NUP107: variants seen among roughly 807,000 people sequenced by gnomAD.
NUP107 encodes the protein nuclear pore complex protein Nup107.
Under a neutral mutation model 141.0 loss-of-function variants are expected in NUP107, and 101 were observed. That is an observed-to-expected ratio of 0.72 (90% CI 0.61 to 0.84). NUP107 has a LOEUF of 0.84. Among genes scored for constraint, NUP107 ranks in the 40% least tolerant of loss-of-function variants. The pLI is 0.00. For missense variants in NUP107, 941 were observed against 1,102.7 expected, an observed-to-expected ratio of 0.85 and a Z score of 2.08; for synonymous variants, 319 against 363.9, an observed-to-expected ratio of 0.88 and a Z score of 1.41.
chr12:68,712,457 A>G (rs747474408), intron 10 of NUP107, among the ~76,000 whole-genome samples: 4 of 145,328 alleles, frequency 2.8e-5, no homozygotes, highest in Non-Finnish European at 6.0e-5. Context: ...AGATTGCCAG[A>G]TTGCCTTTGA....
Position 68,732,689 on chromosome 12 carries a change from A to G in NUP107, c.2051A>G (p.Gln684Arg). 1 of 1,610,048 alleles carries G rather than the reference A, an allele frequency of 6.2e-7. No individual in the cohort carries two copies. The highest frequency in any genetic ancestry group is 8.5e-7 in the Non-Finnish European group (1 of 1,176,956). Residue 684 changes from glutamine (Q) to arginine (R), a missense_variant, in exon 23 of 28, where the codon CAG (glutamine) becomes CGG (arginine). Coordinates refer to ENST00000229179, the MANE Select transcript of NUP107 (RefSeq NM_020401.4). The part of the protein sequence containing the change: ...VIDWLVFDPA[Q>R]RAEALKQGNA... Reference sequence around the variant, plus strand: ...GACTGGTTGGTATTTGACCCAGCGCAGAGGGCAGAAGCACTGAAACAAGGC... The same window carrying G: ...GACTGGTTGGTATTTGACCCAGCGCGGAGGGCAGAAGCACTGAAACAAGGC...
intron 24 of NUP107, among the ~76,000 whole-genome samples, chr12:68,733,967 T>TA (rs1326739167): frequency 6.6e-6 from 1 of 152,208 alleles, no homozygotes; most frequent in East Asian, 1.9e-4. Flanking sequence ...AATAGCAGCA[T>TA]ACTCATTCAA....
At chr12:68,692,245 C>A in intron 5 of NUP107, 133 bp downstream of exon 5, 1 of 925,172 alleles carries the variant, frequency 1.1e-6, no homozygotes, top group Non-Finnish European at 1.6e-6. Flanking sequence ...GAGAGAGTAG[C>A]TTAAACAACA....
At chr12:68,715,107 A>G (rs1444254504) in intron 11 of NUP107, among the ~76,000 whole-genome samples, 1 of 152,224 alleles carries the variant, frequency 6.6e-6, no homozygotes, top group African/African-American at 2.4e-5. Flanking sequence ...CCAACTGAGT[A>G]TGTTTTAAGT....
intron 12 of NUP107, among the ~76,000 whole-genome samples, chr12:68,717,037 A>G (rs1022369476): frequency 2.6e-5 from 4 of 151,980 alleles, no homozygotes; most frequent in African/African-American, 9.7e-5. Flanking sequence ...AGCTTGGAAT[A>G]CAGGCACACG....
chr12:68,696,810 G>C lies in NUP107; in HGVS notation c.449-9G>C. 1 of 1,240,882 alleles carries C rather than the reference G, an allele frequency of 8.1e-7. No individual in the cohort carries two copies. Among genetic ancestry groups the C allele is most frequent in the Non-Finnish European group, 1.1e-6 (1 of 909,586 alleles). The allele number at this position is 1,240,882 out of a possible 1,614,324, so 76.9% of individuals were successfully genotyped here. Reference sequence around the variant, plus strand: ...CTTTATTCCTTTTTTTTTTTTTGATGTGTTCTAGCATCCATGAGTATGTTT... The same window carrying C: ...CTTTATTCCTTTTTTTTTTTTTGATCTGTTCTAGCATCCATGAGTATGTTT... On this transcript the variant is annotated splice_polypyrimidine_tract_variant and intron_variant, in intron 5 of 27. Coordinates refer to ENST00000229179, the MANE Select transcript of NUP107 (RefSeq NM_020401.4).
chr12:68,723,699 G>A (rs1320735468), intron 17 of NUP107, among the ~76,000 whole-genome samples: 1 of 152,168 alleles, frequency 6.6e-6, no homozygotes, highest in Non-Finnish European at 1.5e-5. Context: ...ATTCTCACCA[G>A]CCTCAAATGT....
chr12:68,724,085 T>A (rs1442234082), intron 17 of NUP107, among the ~76,000 whole-genome samples: 1 of 152,028 alleles, frequency 6.6e-6, no homozygotes, highest in Non-Finnish European at 1.5e-5. Flanking sequence ...CTCAGTAAGT[T>A]ACTAGAATTA....
At chr12:68,741,743 AC>A in intron 26 of NUP107, 69 bp from the exon 27 acceptor site, 3 of 1,440,462 alleles carry the variant, frequency 2.1e-6, no homozygotes, top group Non-Finnish European at 2.8e-6. Flanking sequence ...TTGATTCAGT[AC>A]CTGGCTTTTC....
chr12:68,732,561 T>C, intron 22 of NUP107, 76 bp from the exon 23 acceptor site: 1 of 782,242 alleles, frequency 1.3e-6, no homozygotes, highest in Non-Finnish European at 2.0e-6. Flanking sequence ...TGTAAGTTAA[T>C]TCTACTAATT....
intron 3 of NUP107, chr12:68,690,330 T>G (rs545433072): frequency 4.7e-5 from 18 of 382,018 alleles, no homozygotes; most frequent in African/African-American, 2.9e-4. Flanking sequence ...CTTATAAAAT[T>G]AAAATATGAA....
intron 15 of NUP107, 100 bp downstream of exon 15, chr12:68,721,277 A>T (rs1877338331): frequency 1.4e-6 from 1 of 730,640 alleles, no homozygotes. Flanking sequence ...AAGTTTGTAT[A>T]CTTAAGTATA....
In NUP107 at chr12:68,733,555, A is replaced by C. The variant is rs201068751; in HGVS notation, c.2205A>C (p.Pro735=). ...GCGAGGAACAAGGAATGGAAAGTCC[A>C]CTTCCTGCTGAAGATGATAATGCTA... ...NQCEEQGMES[P]LPAEDDNAIR... is the part of the protein sequence containing the mutation. Residue 735 remains proline, a synonymous_variant, in exon 24 of 28, where the codon CCA becomes CCC. Transcript: ENST00000229179. 6.2e-7 allele frequency: 1 copy of C among 1,613,250 alleles called. No individual in the cohort carries two copies. Among genetic ancestry groups the C allele is most frequent in the East Asian group, 2.2e-5 (1 of 44,828 alleles).
chr12:68,701,641 T>C (rs1876334464), intron 7 of NUP107, among the ~76,000 whole-genome samples: 1 of 151,782 alleles, frequency 6.6e-6, no homozygotes, highest in African/African-American at 2.4e-5. Flanking sequence ...ATTGTGCTAC[T>C]GCACTCCAGC....
At position 68,700,616 on chromosome 12, in the gene NUP107, A is replaced by AAT. The variant is rs1302504241; in HGVS notation, c.553-104_553-103dup. On this transcript the variant is annotated intron_variant, in intron 6 of 27. Coordinates refer to ENST00000229179, the MANE Select transcript of NUP107 (RefSeq NM_020401.4). ...GACAAAATAGAGAAGGCAATTTTAT[A>AAT]ATATATACTTATTAAATACAATTAT... 12 of 638,364 alleles carry AAT rather than the reference A, an allele frequency of 1.9e-5. No individual in the cohort carries two copies. In the Middle Eastern group the frequency reaches 2.0e-3, roughly 104 times the overall value. 39.5% of individuals were successfully genotyped at this position (638,364 alleles called of 1,614,324 possible).
intron 9 of NUP107, 150 bp downstream of exon 9, chr12:68,709,459 C>G (rs1876745281): frequency 4.0e-6 from 2 of 498,722 alleles, no homozygotes; most frequent in Non-Finnish European, 3.5e-6. Context: ...AATTAGAAAC[C>G]TTATTCTTTG....
At chr12:68,741,037 T>C (rs893054056) in intron 26 of NUP107, among the ~76,000 whole-genome samples, 1 of 150,968 alleles carries the variant, frequency 6.6e-6, no homozygotes, top group African/African-American at 2.4e-5. Context: ...CAGAGTGAGA[T>C]GCTGTCTCAG....
chr12:68,689,430 C>G (rs1183515550), intron 2 of NUP107, 103 bp from the exon 3 acceptor site: 6 of 687,522 alleles, frequency 8.7e-6, no homozygotes, highest in Admixed American at 3.0e-5. Context: ...AATACTTGTT[C>G]TTGAAAAATG....
rs577570362 is a variant in NUP107, at chr12:68,706,415, G to A, written c.730-2823G>A. ...CTCCCTGGACATGAACAGCATCATC[G>A]CTGAGGTCAAGGCACCGTACGAGGA... On this transcript the variant is annotated intron_variant, in intron 8 of 27. Transcript: ENST00000229179. 225 of 931,712 alleles carry A rather than the reference G, an allele frequency of 2.4e-4. No homozygotes were observed. In the African/African-American group the frequency reaches 3.3e-3, roughly 14 times the overall value. 57.7% of individuals were successfully genotyped at this position (931,712 alleles called of 1,614,324 possible).
Sources: gnomAD v4.1 joint callset for allele counts (sites outside exome capture counted in the v4.1 genomes callset) on GRCh38, gnomAD v4.1.1 for gene constraint, MANE v1.5 for transcripts, NCBI Gene and HGNC (gene_info 2026-07-23, HGNC 2026-07-21) for gene names.